COPS3: variants seen among roughly 807,000 people sequenced by gnomAD.
The protein encoded by COPS3 is COP9 signalosome complex subunit 3.
Under a neutral mutation model 58.2 loss-of-function variants are expected in COPS3, and 10 were observed. That is an observed-to-expected ratio of 0.17 (90% confidence interval 0.11 to 0.29). The LOEUF is 0.29. Among genes scored for constraint, COPS3 ranks in the 10% least tolerant of loss-of-function variants. The probability of loss-of-function intolerance (pLI) is 1.00; values close to 1 mark genes in which losing one functional copy is unlikely to be tolerated. For missense variants in COPS3, 333 were observed against 510.1 expected (o/e 0.65, Z 3.34); for synonymous variants, 187 against 181.7 (o/e 1.03, Z -0.24).
At chr17:17,271,678 C>T (rs1210714129) in intron 2 of COPS3, among the ~76,000 whole-genome samples, 1 of 150,250 alleles carries the variant, frequency 6.7e-6, no homozygotes, top group Admixed American at 6.7e-5. Flanking sequence ...AAAAATTAGC[C>T]GGGCGTGGTG....
At chr17:17,271,355 G>C (rs1217326559) in intron 2 of COPS3, among the ~76,000 whole-genome samples, 1 of 152,126 alleles carries the variant, frequency 6.6e-6, no homozygotes, top group Non-Finnish European at 1.5e-5. Context: ...CTTGTGCCTA[G>C]AAGGTTGAGG....
intron 10 of COPS3, among the ~76,000 whole-genome samples, chr17:17,248,157 A>C (rs1188983341): frequency 1.3e-5 from 2 of 152,186 alleles, no homozygotes; most frequent in South Asian, 2.1e-4. Context: ...GGAACTCCAC[A>C]GACATTTCAG....
chr17:17,278,011 G>A (rs1034301381), intron 1 of COPS3, among the ~76,000 whole-genome samples: 6 of 152,182 alleles, frequency 3.9e-5, no homozygotes, highest in South Asian at 2.1e-4. Flanking sequence ...GCACACACCT[G>A]TAATCCCAGC....
chr17:17,267,912 C>A lies in COPS3; in HGVS notation c.414G>T (p.Leu138=). ...GGCAGAGATCAGCATGTATTGAGGTCAGCTGGTTTGTATTCATCTGCATCT... is the reference window on the plus strand; with the variant it reads ...GGCAGAGATCAGCATGTATTGAGGTAAGCTGGTTTGTATTCATCTGCATCT... ...IDKMQMNTNQ[L]TSIHADLCQL... The change falls in exon 5 of 12, where the codon CTG becomes CTT. Residue 138 remains leucine, a synonymous_variant. Coordinates refer to ENST00000268717, the MANE Select transcript of COPS3 (RefSeq NM_003653.4). 1 of 1,614,016 alleles carries A rather than the reference C, an allele frequency of 6.2e-7. No homozygotes were observed. The highest frequency in any genetic ancestry group is 8.5e-7 in the Non-Finnish European group (1 of 1,179,938).
In COPS3 at chr17:17,263,510, C is replaced by CTTTTT. The variant is rs34755381; in HGVS notation, c.621+1287_621+1291dup. 3.9e-3 allele frequency among the ~76,000 whole-genome samples: 386 copies of CTTTTT among 98,850 alleles called. 8 individuals carry two copies. Among genetic ancestry groups the CTTTTT allele is most frequent in the African/African-American group, 0.015 (366 of 24,490 alleles). 64.8% of individuals were successfully genotyped at this position (98,850 alleles called of 152,430 possible). ...CACCTCACCCAGCCTCTTGCCTTTT[C>CTTTTT]TTTTTTTTTTTTTTTTTTTTGAGAT... On this transcript the variant is annotated intron_variant, in intron 6 of 11. Coordinates refer to ENST00000268717, the MANE Select transcript of COPS3 (RefSeq NM_003653.4).
intron 10 of COPS3, 50 bp downstream of exon 10, chr17:17,248,876 T>C (rs1433620498): frequency 8.5e-7 from 1 of 1,177,842 alleles, no homozygotes; most frequent in Non-Finnish European, 1.2e-6. Flanking sequence ...AATTTTCAAA[T>C]ACATCTCAAC....
intron 5 of COPS3, among the ~76,000 whole-genome samples, chr17:17,266,307 A>G (rs564756299): frequency 2.0e-5 from 3 of 152,338 alleles, no homozygotes; most frequent in African/African-American, 7.2e-5. Context: ...AGATTATTAC[A>G]ATTTGTGTAA....
intron 8 of COPS3, among the ~76,000 whole-genome samples, chr17:17,258,071 C>G (rs2145206673): frequency 6.6e-6 from 1 of 152,306 alleles, no homozygotes; most frequent in South Asian, 2.1e-4. Flanking sequence ...GCCACTATCA[C>G]AGATGTAACC....
chr17:17,263,477 G>A (rs2048151718), intron 6 of COPS3, among the ~76,000 whole-genome samples: 1 of 150,260 alleles, frequency 6.7e-6, no homozygotes, highest in Admixed American at 6.7e-5. Flanking sequence ...GGGATTACAG[G>A]TGTGAGCCAC....
At chr17:17,269,808 T>C (rs1176607980) in intron 4 of COPS3, among the ~76,000 whole-genome samples, 3 of 152,160 alleles carry the variant, frequency 2.0e-5, no homozygotes, top group African/African-American at 7.2e-5. Context: ...GACAGTCCTT[T>C]TCACTGGGGG....
chr17:17,248,970 C>T lies in COPS3; in HGVS notation c.1093G>A (p.Glu365Lys). ...AGCATGGCTGGGTTATTATATTTTT[C>T]AGGGTTATCATGGAAACTGACCATA... ...DGMVSFHDNP[E>K]KYNNPAMLHN... Residue 365 changes from glutamate to lysine, a missense_variant, in exon 10 of 12, where the codon GAA (glutamate) becomes AAA (lysine). By Grantham distance (56) the Glu-to-Lys change is moderately conservative (BLOSUM62 1). Transcript: ENST00000268717. The T allele has an allele frequency of 6.2e-7, 1 of 1,610,410 alleles. No individual in the cohort carries two copies. Among genetic ancestry groups the T allele is most frequent in the East Asian group, 2.2e-5 (1 of 44,818 alleles).
chr17:17,273,089 C>T (rs991192108), intron 2 of COPS3, among the ~76,000 whole-genome samples: 42 of 152,224 alleles, frequency 2.8e-4, no homozygotes, highest in Middle Eastern at 3.4e-3. Flanking sequence ...TTGTGGTTGT[C>T]ATGACATTTG....
intron 4 of COPS3, 181 bp from the exon 5 acceptor site, chr17:17,268,158 C>T (rs2048268706): frequency 1.1e-6 from 1 of 877,130 alleles, no homozygotes; most frequent in East Asian, 3.2e-5. Context: ...TTTTCTTAAG[C>T]TGTTTCTTGG....
At chr17:17,266,233 A>G (rs2048218374) in intron 5 of COPS3, among the ~76,000 whole-genome samples, 2 of 152,238 alleles carry the variant, frequency 1.3e-5, no homozygotes, top group African/African-American at 2.4e-5. Flanking sequence ...CCTGTAGAGT[A>G]CTGCTACAGA....
At chr17:17,252,496 C>T (rs973587842) in intron 9 of COPS3, among the ~76,000 whole-genome samples, 1 of 152,124 alleles carries the variant, frequency 6.6e-6, no homozygotes, top group Non-Finnish European at 1.5e-5. Flanking sequence ...AGCAGCATCC[C>T]TGGCCCGTAC....
intron 9 of COPS3, among the ~76,000 whole-genome samples, chr17:17,253,223 CTCAATCAATCAA>C (rs960422314): frequency 1.3e-5 from 2 of 152,150 alleles, no homozygotes; most frequent in East Asian, 3.9e-4. Context: ...AAGACCTTGT[CTCAATCAATCAA>C]TCAATCAATC....
intron 6 of COPS3, 43 bp from the exon 7 acceptor site, chr17:17,262,149 A>G (rs1208520375): frequency 1.3e-6 from 2 of 1,555,758 alleles, no homozygotes; most frequent in African/African-American, 1.4e-5. Context: ...AACATACCAC[A>G]GTAGCAAACA....
intron 9 of COPS3, among the ~76,000 whole-genome samples, chr17:17,251,617 G>A (rs1338605580): frequency 2.6e-5 from 4 of 152,076 alleles, no homozygotes; most frequent in African/African-American, 7.2e-5. Context: ...ATGGAAAGGT[G>A]TATCAAACAC....
chr17:17,247,438 C>G, intron 11 of COPS3, 42 bp downstream of exon 11: 2 of 1,575,948 alleles, frequency 1.3e-6, no homozygotes, highest in Non-Finnish European at 1.7e-6. Context: ...ACCCCTCCTT[C>G]TCCACCCAGC....
Sources: gnomAD v4.1 joint callset for allele counts (sites outside exome capture counted in the v4.1 genomes callset) on GRCh38, gnomAD v4.1.1 for gene constraint, MANE v1.5 for transcripts, NCBI Gene and HGNC (gene_info 2026-07-23, HGNC 2026-07-21) for gene names.